CDH13: variants seen among roughly 807,000 people sequenced by gnomAD.
CDH13 encodes cadherin-13.
Under a neutral mutation model 63.8 loss-of-function variants are expected in CDH13, and 24 were observed. The ratio of observed to expected loss-of-function variants is 0.38; its 90% CI spans 0.27 to 0.53. The LOEUF (loss-of-function observed/expected upper bound fraction) is 0.53, where lower values mean the gene tolerates loss of function less well. CDH13 is among the 20% of genes least tolerant of loss of function. CDH13 has a pLI of 0.85. For synonymous variants in CDH13, 503 were observed against 355.3 expected (o/e 1.42, Z -4.67); for missense variants, 1,049 against 903.1 (o/e 1.16, Z -2.07).
rs7197042 is a variant in CDH13, at chr16:83,047,038, C to T, written c.366+14820C>T. Among the ~76,000 whole-genome samples the T allele has an allele frequency of 0.34, 51,311 of 152,030 alleles. 9,608 individuals are homozygous for T. Among genetic ancestry groups the T allele is most frequent in the African/African-American group, 0.5 (20,748 of 41,430 alleles). The stretch of plus-strand genomic sequence containing the variant: ...CAAATCCTTTGACAGAGAATGTGCA[C>T]TGTCAACCAACCCCTTCATCGAGTC... On this transcript the variant is annotated intron_variant, in intron 3 of 13. Coordinates refer to ENST00000567109, the MANE Select transcript of CDH13 (RefSeq NM_001257.5). This position sits in a 1 kb window ranked among gnomAD's most constrained non-coding sequence, Gnocchi z 4.9.
chr16:83,293,630 C>T (rs1172474625), intron 5 of CDH13, among the ~76,000 whole-genome samples: 3 of 151,960 alleles, frequency 2.0e-5, no homozygotes, highest in Non-Finnish European at 4.4e-5. Context: ...ATACATAAAC[C>T]AGAATGAAAA....
At chr16:83,599,060 C>G (rs909459260) in intron 7 of CDH13, among the ~76,000 whole-genome samples, 1 of 152,154 alleles carries the variant, frequency 6.6e-6, no homozygotes, top group Non-Finnish European at 1.5e-5. Flanking sequence ...GCCCCACCCA[C>G]CTGAACTGTA....
At chr16:82,865,409 G>GA (rs1391504682) in intron 2 of CDH13, among the ~76,000 whole-genome samples, 1 of 152,250 alleles carries the variant, frequency 6.6e-6, no homozygotes, top group Non-Finnish European at 1.5e-5. Context: ...TTAAGCCTCT[G>GA]AAATCTAGGC....
intron 7 of CDH13, among the ~76,000 whole-genome samples, chr16:83,593,235 C>T (rs958112538): frequency 6.6e-6 from 1 of 152,186 alleles, no homozygotes; most frequent in African/African-American, 2.4e-5. Flanking sequence ...AATTCCATTA[C>T]ATCTTTGCTA....
chr16:83,597,434 T>C (rs1907374289), intron 7 of CDH13, among the ~76,000 whole-genome samples: 3 of 152,186 alleles, frequency 2.0e-5, no homozygotes, highest in Admixed American at 1.3e-4. Context: ...TGTGTGTGTA[T>C]ATAAATGTGT....
At chr16:83,657,609 G>A (rs753339659) in intron 8 of CDH13, among the ~76,000 whole-genome samples, 1 of 152,206 alleles carries the variant, frequency 6.6e-6, no homozygotes, top group African/African-American at 2.4e-5. Context: ...TGGAGAGGCT[G>A]TGGGCTGGGG....
intron 4 of CDH13, among the ~76,000 whole-genome samples, chr16:83,201,396 C>T (rs1362258290): frequency 6.7e-6 from 1 of 149,836 alleles, no homozygotes; most frequent in South Asian, 2.1e-4. Flanking sequence ...AGGAAAGGCA[C>T]TACTTTCTTT....
chr16:82,656,164 T>C (rs146980831), intron 1 of CDH13, among the ~76,000 whole-genome samples: 233 of 152,192 alleles, frequency 1.5e-3, no homozygotes, highest in African/African-American at 5.3e-3. Context: ...ATGTTGAAGA[T>C]AGTCAAACAA....
At chr16:83,054,684 A>G (rs2030739159) in intron 3 of CDH13, among the ~76,000 whole-genome samples, 1 of 152,220 alleles carries the variant, frequency 6.6e-6, no homozygotes, top group Non-Finnish European at 1.5e-5. Context: ...TGACTGGTGT[A>G]TAAAATAAAA....
intron 3 of CDH13, among the ~76,000 whole-genome samples, chr16:83,090,441 G>A (rs1405212913): frequency 5.3e-5 from 8 of 152,058 alleles, no homozygotes; most frequent in Admixed American, 4.6e-4. Context: ...GGGCATGGTG[G>A]TGCACCCCTG....
intron 3 of CDH13, among the ~76,000 whole-genome samples, chr16:83,057,369 A>G (rs1467049044): frequency 6.6e-6 from 1 of 152,164 alleles, no homozygotes; most frequent in Admixed American, 6.5e-5. Context: ...TGAGATCATG[A>G]CAGAGTTGTA....
intron 1 of CDH13, among the ~76,000 whole-genome samples, chr16:82,725,556 A>T (rs1340816319): frequency 6.6e-6 from 1 of 152,204 alleles, no homozygotes; most frequent in Non-Finnish European, 1.5e-5. Flanking sequence ...ATCTGCATAA[A>T]ACTATAAGCC....
At chr16:83,019,836 T>TG (rs1915177371) in intron 2 of CDH13, among the ~76,000 whole-genome samples, 2 of 100,822 alleles carry the variant, frequency 2.0e-5, no homozygotes, top group African/African-American at 7.4e-5. Context: ...GAGTACACTC[T>TG]AAAAAAAAAA....
At chr16:82,686,464 G>T (rs1319597637) in intron 1 of CDH13, among the ~76,000 whole-genome samples, 1 of 152,144 alleles carries the variant, frequency 6.6e-6, no homozygotes, top group African/African-American at 2.4e-5. Context: ...TATGGGAGAG[G>T]AACTAAAGAA....
At chr16:83,180,913 G>T in intron 4 of CDH13, 1 of 1,531,604 alleles carries the variant, frequency 6.5e-7, no homozygotes, top group Non-Finnish European at 8.7e-7. Context: ...TTGAATGAAG[G>T]CATTACAGCA....
At chr16:82,863,228 TAGTC>T (rs2151175085) in intron 2 of CDH13, among the ~76,000 whole-genome samples, 1 of 152,254 alleles carries the variant, frequency 6.6e-6, no homozygotes, top group Admixed American at 6.5e-5. Flanking sequence ...AGGATGAAGT[TAGTC>T]AGTTTAAGCA....
intron 3 of CDH13, among the ~76,000 whole-genome samples, chr16:83,062,091 T>A (rs1318146428): frequency 6.6e-6 from 1 of 152,168 alleles, no homozygotes; most frequent in Non-Finnish European, 1.5e-5. Context: ...TGCTGTGGCC[T>A]CTCTTGGATG....
intron 2 of CDH13, among the ~76,000 whole-genome samples, chr16:82,987,195 C>G (rs1164317831): frequency 6.6e-6 from 1 of 152,128 alleles, no homozygotes; most frequent in Non-Finnish European, 1.5e-5. Flanking sequence ...TCTCATGATT[C>G]AACTTCCCTG....
At chr16:82,686,090 C>T (rs1371828348) in intron 1 of CDH13, among the ~76,000 whole-genome samples, 3 of 152,174 alleles carry the variant, frequency 2.0e-5, no homozygotes, top group African/African-American at 7.2e-5. Context: ...GCTCCACTTC[C>T]ACACCCTTCT....
Sources: gnomAD v4.1 joint callset for allele counts (sites outside exome capture counted in the v4.1 genomes callset) on GRCh38, gnomAD v4.1.1 for gene constraint, Gnocchi (gnomAD v3.1) non-coding constraint, MANE v1.5 for transcripts, NCBI Gene and HGNC (gene_info 2026-07-23, HGNC 2026-07-21) for gene names.